Variants in ITGB5 observed in about 807,000 individuals in gnomAD.
ITGB5 encodes integrin subunit beta 5.
Under a neutral mutation model 84.8 loss-of-function variants are expected in ITGB5, and 38 were observed. The ratio of observed to expected loss-of-function variants is 0.45; its 90% CI spans 0.35 to 0.59. The LOEUF (loss-of-function observed/expected upper bound fraction) is 0.59, where lower values mean the gene tolerates loss of function less well. ITGB5 is among the 20% of genes least tolerant of loss of function. ITGB5 has a pLI of 0.01. For synonymous variants in ITGB5, 393 were observed against 414.4 expected (o/e 0.95, Z 0.63); for missense variants, 905 against 1,034.5 (o/e 0.87, Z 1.72).
intron 10 of ITGB5, among the ~76,000 whole-genome samples, chr3:124,783,507 T>C (rs1157303423): frequency 1.3e-5 from 2 of 152,154 alleles, no homozygotes; most frequent in African/African-American, 4.8e-5. Flanking sequence ...ACACCTAGCA[T>C]GGTGTCAGGC....
Position 124,773,697 on chromosome 3 carries a change from T to A in ITGB5, c.1909A>T (p.Thr637Ser). The change falls in exon 11 of 15, where the codon ACC becomes TCC. Residue 637 changes from threonine (T) to serine (S), a missense_variant. By Grantham distance (58) the Thr-to-Ser change is moderately conservative (BLOSUM62 1). This residue lies in a region of ITGB5 where 116 missense variants were observed against 177.0 expected (regional missense o/e 0.66). Coordinates refer to ENST00000296181, the MANE Select transcript of ITGB5 (RefSeq NM_002213.5). Reference protein sequence around the residue: ...KCPTCPDACSTKRDCVECLLL... With the variant: ...KCPTCPDACSSKRDCVECLLL... ...TGTCAGTGGAACCAGTACCTCTTGG[T>A]GCTGCATGCATCCGGGCAGGTGGGG... 1.2e-6 allele frequency: 2 copies of A among 1,612,166 alleles called. No homozygotes were observed. Among genetic ancestry groups the A allele is most frequent in the South Asian group, 2.2e-5 (2 of 90,978 alleles).
At chr3:124,763,813 C>T (rs1224186944) in intron 14 of ITGB5, 95 bp from the exon 15 acceptor site, 2 of 701,856 alleles carry the variant, frequency 2.8e-6, no homozygotes, top group African/African-American at 1.8e-5. Flanking sequence ...CCAGGTCAGC[C>T]CCCTGCGACA....
chr3:124,900,183 C>T (rs1421296688), intron 1 of ITGB5, among the ~76,000 whole-genome samples: 1 of 152,096 alleles, frequency 6.6e-6, no homozygotes, highest in Non-Finnish European at 1.5e-5. Flanking sequence ...CATTAAATGA[C>T]AGAGAGGTAG....
chr3:124,877,003 C>T (rs1180083867), intron 1 of ITGB5, among the ~76,000 whole-genome samples: 1 of 151,764 alleles, frequency 6.6e-6, no homozygotes, highest in Non-Finnish European at 1.5e-5. Flanking sequence ...CAGGGTCTAG[C>T]TCTGCTGCCC....
At chr3:124,856,509 G>A (rs1006580108) in intron 3 of ITGB5, among the ~76,000 whole-genome samples, 1 of 152,116 alleles carries the variant, frequency 6.6e-6, no homozygotes, top group African/African-American at 2.4e-5. Context: ...TTTTGGAGGT[G>A]TGAATTTTTT....
At chr3:124,890,546 G>A (rs966718347), upstream of ITGB5, among the ~76,000 whole-genome samples, 1 of 152,052 alleles carries the variant, frequency 6.6e-6, no homozygotes, top group African/African-American at 2.4e-5. Flanking sequence ...GATCTTCTGC[G>A]TGTCACCTTC....
At chr3:124,817,981 A>G (rs1579244923) in intron 7 of ITGB5, among the ~76,000 whole-genome samples, 1 of 152,006 alleles carries the variant, frequency 6.6e-6, no homozygotes, top group South Asian at 2.1e-4. Flanking sequence ...ATGTCTTGAG[A>G]CCCCGCCCCT....
chr3:124,892,514 A>C (rs1438514812), upstream of ITGB5, among the ~76,000 whole-genome samples: 1 of 145,068 alleles, frequency 6.9e-6, no homozygotes, highest in East Asian at 2.0e-4. Flanking sequence ...ACATGGTGAA[A>C]TCCCATCTCT....
chr3:124,892,705 A>G (rs1243627554), intron 1 of ITGB5, among the ~76,000 whole-genome samples: 1 of 151,572 alleles, frequency 6.6e-6, no homozygotes, highest in African/African-American at 2.4e-5. Flanking sequence ...AAAAAAAAAA[A>G]AAAAAAAAGT....
chr3:124,810,382 C>T (rs186826725), intron 8 of ITGB5, among the ~76,000 whole-genome samples: 1 of 152,190 alleles, frequency 6.6e-6, no homozygotes, highest in Admixed American at 6.5e-5. Context: ...GTGTGTTTGG[C>T]CTTGGTGCTG....
At chr3:124,805,198 AG>A (rs2064381602) in intron 9 of ITGB5, among the ~76,000 whole-genome samples, 2 of 149,722 alleles carry the variant, frequency 1.3e-5, no homozygotes, top group East Asian at 2.0e-4. Flanking sequence ...GCTGGAGTGC[AG>A]TGTCCCAGTC....
intron 5 of ITGB5, among the ~76,000 whole-genome samples, chr3:124,832,337 T>A (rs1176887393): frequency 6.6e-6 from 1 of 152,272 alleles, no homozygotes; most frequent in African/African-American, 2.4e-5. Flanking sequence ...TTTCCAATTC[T>A]GGTGCTGCCT....
At chr3:124,817,971 A>C (rs1225643956) in intron 7 of ITGB5, among the ~76,000 whole-genome samples, 1 of 152,166 alleles carries the variant, frequency 6.6e-6, no homozygotes. Context: ...CTAAAAGATA[A>C]TGTCTTGAGA....
chr3:124,827,151 T>C (rs1268439784), intron 5 of ITGB5, among the ~76,000 whole-genome samples: 1 of 152,078 alleles, frequency 6.6e-6, no homozygotes, highest in Non-Finnish European at 1.5e-5. Flanking sequence ...AAATGGAATA[T>C]AGCATGAGGG....
intron 9 of ITGB5, among the ~76,000 whole-genome samples, chr3:124,807,518 AAAC>A (rs2064424475): frequency 6.6e-6 from 1 of 152,210 alleles, no homozygotes; most frequent in Non-Finnish European, 1.5e-5. Flanking sequence ...AGAAACTTGG[AAAC>A]AACGTGTCTT....
At chr3:124,872,654 T>C (rs1041102467) in intron 2 of ITGB5, among the ~76,000 whole-genome samples, 28 of 152,070 alleles carry the variant, frequency 1.8e-4, no homozygotes, top group African/African-American at 6.5e-4. Context: ...ACAGGGAGGG[T>C]TTGTGACCCA....
At chr3:124,834,248 G>A (rs1250593345) in intron 5 of ITGB5, among the ~76,000 whole-genome samples, 1 of 151,994 alleles carries the variant, frequency 6.6e-6, no homozygotes, top group East Asian at 1.9e-4. Context: ...TGTCAACACT[G>A]ACTGGGTCAC....
At chr3:124,875,885 C>T (rs189786202) in intron 1 of ITGB5, among the ~76,000 whole-genome samples, 132 of 152,146 alleles carry the variant, frequency 8.7e-4, no homozygotes, top group African/African-American at 2.9e-3. Flanking sequence ...CACTATTAAG[C>T]GAGGCACAGA....
At chr3:124,826,695 T>C (rs1015910057) in intron 5 of ITGB5, among the ~76,000 whole-genome samples, 7 of 152,334 alleles carry the variant, frequency 4.6e-5, no homozygotes, top group African/African-American at 1.7e-4. Context: ...GGATAATTCA[T>C]AAACGTGCCT....
Sources: allele counts gnomAD v4.1 joint callset (sites outside exome capture counted in the v4.1 genomes callset), GRCh38; gene constraint gnomAD v4.1.1; regional missense constraint gnomAD v4.1.1; transcripts MANE v1.5; gene names NCBI Gene and HGNC (gene_info 2026-07-23, HGNC 2026-07-21).